Variants in CELF4 observed in about 807,000 individuals in gnomAD.
CELF4 encodes CUG-BP- and ETR-3-like factor 4.
Under a neutral mutation model 59.9 loss-of-function variants are expected in CELF4, and 18 were observed. The ratio of observed to expected loss-of-function variants is 0.30; its 90% CI spans 0.21 to 0.45. The LOEUF (loss-of-function observed/expected upper bound fraction) is 0.45, where lower values mean the gene tolerates loss of function less well. Among genes scored for constraint, CELF4 ranks in the 20% least tolerant of loss-of-function variants. CELF4 has a pLI of 1.00. For missense variants in CELF4, 456 were observed against 689.0 expected (o/e 0.66, Z 3.79); for synonymous variants, 261 against 267.1 (o/e 0.98, Z 0.22).
intron 2 of CELF4, among the ~76,000 whole-genome samples, chr18:37,386,702 C>A (rs1451391448): frequency 6.6e-6 from 1 of 152,170 alleles, no homozygotes; most frequent in Non-Finnish European, 1.5e-5. Context: ...CACCTAGGTA[C>A]AATTCAGTCC....
chr18:37,362,760 C>T (rs1285937999), intron 2 of CELF4, among the ~76,000 whole-genome samples: 1 of 152,174 alleles, frequency 6.6e-6, no homozygotes, highest in Non-Finnish European at 1.5e-5. Context: ...TGCCAGTCAC[C>T]TGCTCTCACC....
intron 2 of CELF4, among the ~76,000 whole-genome samples, chr18:37,322,563 G>T (rs1483796733): frequency 6.6e-6 from 1 of 152,260 alleles, no homozygotes; most frequent in East Asian, 1.9e-4. Context: ...CCTAGCCGCC[G>T]GCCTCTCTCT....
chr18:37,493,036 C>A (rs893283372), intron 1 of CELF4, among the ~76,000 whole-genome samples: 1 of 152,208 alleles, frequency 6.6e-6, no homozygotes, highest in Admixed American at 6.5e-5. Context: ...TCTTCCCTCT[C>A]TCTTCCCACT....
chr18:37,339,023 T>C (rs1332040692), intron 2 of CELF4, among the ~76,000 whole-genome samples: 1 of 152,212 alleles, frequency 6.6e-6, no homozygotes, highest in Non-Finnish European at 1.5e-5. Context: ...AGCCCAGGGT[T>C]CCTAGCCTCC....
At chr18:37,371,507 T>A (rs1361911317) in intron 2 of CELF4, among the ~76,000 whole-genome samples, 3 of 152,364 alleles carry the variant, frequency 2.0e-5, no homozygotes, top group Middle Eastern at 3.4e-3. Flanking sequence ...CCTCTCCTGA[T>A]AGAAAGATCC....
At chr18:37,266,939 G>GT (rs1569303094) in intron 8 of CELF4, among the ~76,000 whole-genome samples, 1 of 151,194 alleles carries the variant, frequency 6.6e-6, no homozygotes, top group African/African-American at 2.5e-5. Flanking sequence ...GCTGGTGGTG[G>GT]GGGGGGACAC....
chr18:37,515,001 G>A (rs755398526), intron 1 of CELF4, among the ~76,000 whole-genome samples: 23 of 152,066 alleles, frequency 1.5e-4, no homozygotes, highest in Admixed American at 3.3e-4. Flanking sequence ...GTTCCATTGC[G>A]GGAACATAAT....
At chr18:37,266,481 G>A (rs1162866238) in intron 9 of CELF4, 52 bp downstream of exon 9, 2 of 1,511,900 alleles carry the variant, frequency 1.3e-6, no homozygotes, top group Middle Eastern at 2.1e-4. Flanking sequence ...TCACAGGCGT[G>A]GAGAGATAAA....
intron 8 of CELF4, among the ~76,000 whole-genome samples, chr18:37,267,710 T>C (rs531609130): frequency 6.6e-6 from 1 of 152,280 alleles, no homozygotes; most frequent in East Asian, 1.9e-4. Flanking sequence ...TGAGCACGTT[T>C]CCCTGAGTAT....
chr18:37,408,920 C>T (rs1410076522), intron 2 of CELF4, among the ~76,000 whole-genome samples: 2 of 152,206 alleles, frequency 1.3e-5, no homozygotes, highest in East Asian at 1.9e-4. Flanking sequence ...ATGTCCTAGT[C>T]CTGCATGGGT....
At chr18:37,429,393 T>C (rs1042256360) in intron 2 of CELF4, among the ~76,000 whole-genome samples, 2 of 151,368 alleles carry the variant, frequency 1.3e-5, no homozygotes, top group East Asian at 3.9e-4. Context: ...CCTCTTTGTG[T>C]TTGCTGGTGT....
At chr18:37,533,340 A>G (rs1394537125) in intron 1 of CELF4, among the ~76,000 whole-genome samples, 1 of 152,252 alleles carries the variant, frequency 6.6e-6, no homozygotes, top group Non-Finnish European at 1.5e-5. Flanking sequence ...TGCCTCCACT[A>G]CGGCAGGTGA....
intron 3 of CELF4, among the ~76,000 whole-genome samples, chr18:37,291,977 T>C (rs964495546): frequency 1.3e-5 from 2 of 151,992 alleles, no homozygotes; most frequent in African/African-American, 4.8e-5. Context: ...GGAGGAGCTT[T>C]TGTGGGGGTG....
chr18:37,246,535 G>C lies in CELF4; in HGVS notation c.*45-1338C>G, dbSNP rs1038094872. 3.3e-5 allele frequency among the ~76,000 whole-genome samples: 5 copies of C among 151,916 alleles called. No homozygotes were observed. Among genetic ancestry groups the C allele is most frequent in the Non-Finnish European group, 7.4e-5 (5 of 67,976 alleles). On this transcript the variant is annotated intron_variant, in intron 12 of 12. Transcript: ENST00000420428. This position sits in a 1 kb window ranked among gnomAD's most constrained non-coding sequence, Gnocchi z 5.3. ...TCTGGCTTTGTACTCTAGTTTTTTG[G>C]TTTAGAATTTTTTTATCATTCTGTT...
chr18:37,264,673 CCTT>C lies in CELF4; in HGVS notation c.1247_1249del (p.Glu416del). ...GCCCAGGAGCTGGCCTGCAGACTCA[CCTT>C]CTCTCTGCTGCTGGGGGATCATTGG... On this transcript the variant is annotated inframe_deletion and splice_region_variant, in exon 10 of 13. Transcript: ENST00000420428. 1 of 1,570,968 alleles carries C rather than the reference CCTT, an allele frequency of 6.4e-7. No homozygotes were observed. Among genetic ancestry groups the C allele is most frequent in the Non-Finnish European group, 8.6e-7 (1 of 1,157,170 alleles).
intron 2 of CELF4, among the ~76,000 whole-genome samples, chr18:37,374,175 C>T (rs1371053358): frequency 2.0e-5 from 3 of 152,206 alleles, no homozygotes; most frequent in Admixed American, 6.5e-5. Context: ...CCGCAGGTCC[C>T]CACCTCTTCA....
intron 2 of CELF4, among the ~76,000 whole-genome samples, chr18:37,424,615 G>A (rs2099600356): frequency 6.6e-6 from 1 of 152,172 alleles, no homozygotes; most frequent in Admixed American, 6.5e-5. Context: ...GCTGTGGCCT[G>A]GGGTAAGACT....
chr18:37,429,534 G>A (rs1007037423), intron 2 of CELF4, among the ~76,000 whole-genome samples: 2 of 152,174 alleles, frequency 1.3e-5, no homozygotes, highest in Non-Finnish European at 2.9e-5. Flanking sequence ...GGGTGTGTCT[G>A]TTTCATGCAG....
chr18:37,389,631 A>C (rs1210625958), intron 2 of CELF4, among the ~76,000 whole-genome samples: 1 of 152,050 alleles, frequency 6.6e-6, no homozygotes, highest in East Asian at 1.9e-4. Flanking sequence ...AAAACAGGAC[A>C]GATGTCCACT....
Sources: allele counts gnomAD v4.1 joint callset (sites outside exome capture counted in the v4.1 genomes callset), GRCh38; gene constraint gnomAD v4.1.1; non-coding constraint Gnocchi (gnomAD v3.1); transcripts MANE v1.5; gene names NCBI Gene and HGNC (gene_info 2026-07-23, HGNC 2026-07-21).